NAV3: variants seen among roughly 807,000 people sequenced by gnomAD.
NAV3 encodes the protein pore membrane and/or filament interacting like protein 1.
A neutral mutation model predicts 244.7 loss-of-function variants in NAV3; 87 were observed. That is an observed-to-expected ratio of 0.36 (90% CI 0.30 to 0.42). NAV3 has a LOEUF of 0.42. Ranked by LOEUF, NAV3 falls within the 20% of genes least tolerant of loss-of-function variation. The pLI, the probability that NAV3 is intolerant of heterozygous loss-of-function variation, is 1.00. For missense variants in NAV3, 2,663 were observed against 2,893.3 expected (o/e 0.92, Z 1.83); for synonymous variants, 1,126 against 1,042.2 (o/e 1.08, Z -1.55).
chr12:77,927,771 T>C (rs899037293), intron 1 of NAV3, among the ~76,000 whole-genome samples: 1 of 152,192 alleles, frequency 6.6e-6, no homozygotes, highest in Non-Finnish European at 1.5e-5. Context: ...TATCATATCA[T>C]TTTTTGTAGA....
At chr12:77,881,273 GTC>G (rs899063383) in intron 1 of NAV3, among the ~76,000 whole-genome samples, 8 of 152,118 alleles carry the variant, frequency 5.3e-5, no homozygotes, top group African/African-American at 1.9e-4. Flanking sequence ...AGATTGGTCT[GTC>G]TCTCTAGCCC....
intron 9 of NAV3, among the ~76,000 whole-genome samples, chr12:78,031,356 G>A (rs1202741682): frequency 6.6e-6 from 1 of 152,006 alleles, no homozygotes; most frequent in African/African-American, 2.4e-5. Context: ...AGAATTCTCT[G>A]CTCATGTGAT....
intron 2 of NAV3, among the ~76,000 whole-genome samples, chr12:77,593,170 T>A (rs778965458): frequency 6.6e-6 from 1 of 151,960 alleles, no homozygotes; most frequent in Non-Finnish European, 1.5e-5. Flanking sequence ...CTAAAAATGA[T>A]TATAGTTTAA....
At chr12:78,124,894 A>AG (rs1260730492) in intron 16 of NAV3, among the ~76,000 whole-genome samples, 6 of 152,216 alleles carry the variant, frequency 3.9e-5, no homozygotes, top group Non-Finnish European at 2.9e-5. Flanking sequence ...ATGAATATTA[A>AG]GCTGTAAAAA....
chr12:78,082,111 T>C (rs1292266287), intron 12 of NAV3, among the ~76,000 whole-genome samples: 1 of 151,730 alleles, frequency 6.6e-6, no homozygotes, highest in African/African-American at 2.4e-5. Flanking sequence ...TAAAGGGGAG[T>C]TCCCCTACAA....
At chr12:77,769,775 T>C (rs1869976188) in intron 2 of NAV3, among the ~76,000 whole-genome samples, 1 of 152,192 alleles carries the variant, frequency 6.6e-6, no homozygotes, top group South Asian at 2.1e-4. Context: ...GTCTTTATTA[T>C]TAGACAGTAC....
intron 1 of NAV3, among the ~76,000 whole-genome samples, chr12:77,897,521 G>T (rs1042651130): frequency 5.9e-5 from 9 of 152,014 alleles, no homozygotes; most frequent in Non-Finnish European, 2.9e-5. Context: ...GACCTTGGTT[G>T]TACTTCTGTT....
At chr12:78,175,069 G>A (rs1263370390) in intron 24 of NAV3, among the ~76,000 whole-genome samples, 1 of 151,892 alleles carries the variant, frequency 6.6e-6, no homozygotes, top group East Asian at 1.9e-4. Flanking sequence ...TCATTAAACT[G>A]CCAGGGCTAT....
intron 9 of NAV3, among the ~76,000 whole-genome samples, chr12:78,039,591 G>A (rs955353160): frequency 1.3e-5 from 2 of 151,982 alleles, no homozygotes; most frequent in Admixed American, 1.3e-4. Flanking sequence ...GGGGTAGAGG[G>A]CATAATTCTC....
At chr12:78,076,939 G>C (rs1475551970) in intron 12 of NAV3, among the ~76,000 whole-genome samples, 2 of 152,038 alleles carry the variant, frequency 1.3e-5, no homozygotes, top group Non-Finnish European at 2.9e-5. Context: ...ATATCTGATG[G>C]TAATTTACTT....
At chr12:77,917,424 A>T (rs1887257078) in intron 1 of NAV3, among the ~76,000 whole-genome samples, 1 of 152,020 alleles carries the variant, frequency 6.6e-6, no homozygotes, top group African/African-American at 2.4e-5. Context: ...CCATGTAAAA[A>T]AGCAAGAAAT....
chr12:78,092,876 G>C (rs977309549), intron 12 of NAV3, among the ~76,000 whole-genome samples: 2 of 152,114 alleles, frequency 1.3e-5, no homozygotes, highest in African/African-American at 4.8e-5. Flanking sequence ...TCTTAGGTTA[G>C]GAAATATAGA....
intron 2 of NAV3, among the ~76,000 whole-genome samples, chr12:77,721,808 C>T (rs1034890404): frequency 6.6e-5 from 10 of 152,124 alleles, no homozygotes; most frequent in Admixed American, 5.2e-4. Flanking sequence ...GTGGCCCTTA[C>T]GTAATTTGTG....
rs184921398 is a variant in NAV3, at chr12:77,877,677, G to A, written c.243+45973G>A. Among the ~76,000 whole-genome samples, 372 of 152,148 alleles carry A rather than the reference G, an allele frequency of 2.4e-3. 2 individuals carry two copies. The highest frequency in any genetic ancestry group is 4.0e-3 in the Non-Finnish European group (269 of 67,998). On this transcript the variant is annotated intron_variant, in intron 1 of 39. Coordinates refer to ENST00000397909, the MANE Select transcript of NAV3 (RefSeq NM_001024383.2). ...TGCATAAGAATTCCAAATAAGTGATGAAAATTCTCCACCTGAAGGAGGGGA... is the reference window on the plus strand; with the variant it reads ...TGCATAAGAATTCCAAATAAGTGATAAAAATTCTCCACCTGAAGGAGGGGA...
intron 12 of NAV3, among the ~76,000 whole-genome samples, chr12:78,064,564 C>A (rs1175498161): frequency 6.6e-6 from 1 of 151,924 alleles, no homozygotes; most frequent in African/African-American, 2.4e-5. Flanking sequence ...TTAATTTAAC[C>A]TGAATTACCT....
At chr12:77,741,035 T>A (rs1276137267) in intron 2 of NAV3, among the ~76,000 whole-genome samples, 3 of 151,068 alleles carry the variant, frequency 2.0e-5, no homozygotes, top group Non-Finnish European at 4.4e-5. Flanking sequence ...TGAGCAACTT[T>A]CTGATGGATA....
intron 2 of NAV3, among the ~76,000 whole-genome samples, chr12:77,766,533 G>C (rs940625113): frequency 6.6e-6 from 1 of 152,076 alleles, no homozygotes; most frequent in African/African-American, 2.4e-5. Flanking sequence ...TTAATATTAG[G>C]AGAGGATAAT....
intron 5 of NAV3, among the ~76,000 whole-genome samples, chr12:77,980,735 A>T (rs1345865971): frequency 6.6e-6 from 1 of 152,208 alleles, no homozygotes; most frequent in Non-Finnish European, 1.5e-5. Context: ...ACAGCATTGT[A>T]GCGTAGTACT....
intron 2 of NAV3, among the ~76,000 whole-genome samples, chr12:77,806,622 C>G (rs1391348785): frequency 2.0e-5 from 3 of 152,100 alleles, no homozygotes; most frequent in African/African-American, 7.2e-5. Context: ...CTATGTGGTG[C>G]TGAGAAGAAT....
Sources: allele counts gnomAD v4.1 joint callset (sites outside exome capture counted in the v4.1 genomes callset), GRCh38; gene constraint gnomAD v4.1.1; transcripts MANE v1.5; gene names NCBI Gene and HGNC (gene_info 2026-07-23, HGNC 2026-07-21).